C4orf50: variants seen among roughly 807,000 people sequenced by gnomAD.
C4orf50 encodes chromosome 4 open reading frame 50, also known as uncharacterized protein C4orf50.
Under a neutral mutation model 77.2 loss-of-function variants are expected in C4orf50, and 80 were observed. The ratio of observed to expected loss-of-function variants is 1.04; its 90% CI spans 0.87 to 1.25. The LOEUF is 1.25. Ranked by LOEUF, C4orf50 falls within the 50% of genes most tolerant of loss-of-function variation. The pLI is 0.00. For missense variants in C4orf50, 1,257 were observed against 1,152.9 expected, an observed-to-expected ratio of 1.09 and a Z score of -1.31; for synonymous variants, 532 against 465.3, an observed-to-expected ratio of 1.14 and a Z score of -1.84.
rs1722318932 is a variant in C4orf50, at chr4:6,008,098, C to A, written c.861G>T (p.Leu287=). The A allele has an allele frequency of 2.5e-6, 1 of 399,054 alleles. No homozygotes were observed. Among genetic ancestry groups the A allele is most frequent in the Non-Finnish European group, 4.4e-6 (1 of 226,152 alleles). 24.7% of individuals were successfully genotyped at this position (399,054 alleles called of 1,614,324 possible). A position where few individuals can be genotyped will look rare whatever the true frequency, so the allele number is the denominator to read the frequency against. ...CCTGGCCCTGCAGGCCAATCTCTGA[C>A]AGCTTCAGCCCATAGATGCAGCAGC... is the stretch of plus-strand genomic sequence containing the variant. Residue 287 remains leucine (L), a synonymous_variant, in exon 25 of 34, where the codon CTG becomes CTT. Transcript: ENST00000531445. The surrounding 1 kb of genome is among the most constrained non-coding windows in gnomAD (Gnocchi z 6.0).
intron 7 of C4orf50, among the ~76,000 whole-genome samples, chr4:5,943,435 G>A (rs552965225): frequency 1.3e-5 from 2 of 152,308 alleles, no homozygotes; most frequent in African/African-American, 2.4e-5. Context: ...GGTGAACTCT[G>A]GGACAGCCTG....
chr4:5,938,805 T>C (rs1269880157), intron 7 of C4orf50, among the ~76,000 whole-genome samples: 1 of 152,158 alleles, frequency 6.6e-6, no homozygotes, highest in Admixed American at 6.5e-5. Context: ...CTTTTTTTTT[T>C]TTATCATTTA....
rs900875117 is a variant in C4orf50 at position 5,958,594 on chromosome 4, A to G, written c.*781T>C. ...GCGTGCGTGCTGATTTACTCACAGG[A>G]GTATCTCTCCCATTGTCCTGTGAGG... On this transcript the variant is annotated 3_prime_UTR_variant, in exon 34 of 34. Transcript: ENST00000531445. This position sits in a 1 kb window ranked among gnomAD's most constrained non-coding sequence, Gnocchi z 5.4. The G allele has an allele frequency of 6.6e-6, 1 of 152,016 alleles. No homozygotes were observed. Among genetic ancestry groups the G allele is most frequent in the African/African-American group, 2.4e-5 (1 of 41,382 alleles). The allele number at this position is 152,016 out of a possible 1,614,324, so 9.4% of individuals were successfully genotyped here.
At chr4:5,947,631 A>C (rs535971733) in intron 7 of C4orf50, among the ~76,000 whole-genome samples, 14 of 152,152 alleles carry the variant, frequency 9.2e-5, no homozygotes, top group South Asian at 4.2e-4. Context: ...CCCGCACTGC[A>C]GCCCCGAGGG....
At chr4:5,991,533 A>C (rs1460942934) in intron 27 of C4orf50, among the ~76,000 whole-genome samples, 3 of 152,168 alleles carry the variant, frequency 2.0e-5, no homozygotes, top group African/African-American at 7.2e-5. Context: ...TGATGTGTTT[A>C]TCCAGAGAGG....
chr4:5,980,130 G>C (rs893448800), intron 29 of C4orf50, 44 bp downstream of exon 7: 4 of 1,519,884 alleles, frequency 2.6e-6, no homozygotes, highest in Middle Eastern at 2.4e-4. Flanking sequence ...CCCGGGGTGT[G>C]GGAGCCCTGG....
intron 7 of C4orf50, among the ~76,000 whole-genome samples, chr4:5,911,399 G>A (rs1577876781): frequency 3.9e-5 from 6 of 152,350 alleles, no homozygotes; most frequent in African/African-American, 1.2e-4. Context: ...GTTCATGAGT[G>A]AAGTTACAAT....
chr4:5,974,889 A>G (rs1239932709), intron 30 of C4orf50, among the ~76,000 whole-genome samples: 1 of 152,166 alleles, frequency 6.6e-6, no homozygotes, highest in East Asian at 1.9e-4. Flanking sequence ...CTGTAATCCC[A>G]GCACTTTGGG....
intron 7 of C4orf50, among the ~76,000 whole-genome samples, chr4:5,930,017 T>C (rs1162369328): frequency 1.3e-5 from 2 of 152,218 alleles, no homozygotes; most frequent in Non-Finnish European, 2.9e-5. Flanking sequence ...ATTGTGCGCC[T>C]GTGTCTAACA....
chr4:5,972,185 A>G (rs1719966627), intron 31 of C4orf50, among the ~76,000 whole-genome samples: 1 of 151,920 alleles, frequency 6.6e-6, no homozygotes, highest in Non-Finnish European at 1.5e-5. Flanking sequence ...TTGTATTTTT[A>G]GTAGAGACGG....
chr4:5,941,191 T>C (rs1037599258), intron 7 of C4orf50, among the ~76,000 whole-genome samples: 8 of 152,254 alleles, frequency 5.3e-5, no homozygotes, highest in African/African-American at 1.9e-4. Context: ...AATTGGGTGC[T>C]TCCTTTGTGC....
At chr4:5,978,548 C>T (rs1166118560) in intron 29 of C4orf50, among the ~76,000 whole-genome samples, 1 of 152,150 alleles carries the variant, frequency 6.6e-6, no homozygotes, top group Non-Finnish European at 1.5e-5. Flanking sequence ...ACACACACCC[C>T]CTCCCCACAG....
chr4:5,988,501 G>A (rs760968901), exon 28 of C4orf50: 28 of 1,541,496 alleles, frequency 1.8e-5, no homozygotes, highest in Admixed American at 1.2e-4. Context: ...CCAGACCAGC[G>A]ATGGAGGGGG....
At chr4:5,990,782 G>A in exon 28 of C4orf50, 1 of 399,182 alleles carries the variant, frequency 2.5e-6, no homozygotes, top group Non-Finnish European at 4.4e-6. Context: ...CCACAGACCA[G>A]GAGAAGAATC....
intron 30 of C4orf50, among the ~76,000 whole-genome samples, chr4:5,975,117 G>A (rs1247116652): frequency 9.6e-6 from 1 of 104,634 alleles, no homozygotes; most frequent in African/African-American, 3.6e-5. Context: ...TCCAGCCTGG[G>A]CGACAGAGTG....
rs1421610563 is a variant in C4orf50 at position 6,009,091 on chromosome 4, A to T, written c.427-559T>A. Reference sequence around the variant, plus strand: ...GAGGTACGTTACTAGCCTGAGAGACACTCAGGAGTGACTTGCATATCACGC... The same window carrying T: ...GAGGTACGTTACTAGCCTGAGAGACTCTCAGGAGTGACTTGCATATCACGC... On this transcript the variant is annotated intron_variant, in intron 24 of 33. Coordinates refer to ENST00000531445, the Ensembl canonical transcript of C4orf50. This position sits in a 1 kb window ranked among gnomAD's most constrained non-coding sequence, Gnocchi z 5.6. Among the ~76,000 whole-genome samples, 2 of 152,176 alleles carry T rather than the reference A, an allele frequency of 1.3e-5. No homozygotes were observed. Among genetic ancestry groups the T allele is most frequent in the Non-Finnish European group, 2.9e-5 (2 of 68,024 alleles).
chr4:5,925,396 G>A (rs1007200967), intron 7 of C4orf50, among the ~76,000 whole-genome samples: 2 of 152,188 alleles, frequency 1.3e-5, no homozygotes, highest in Non-Finnish European at 2.9e-5. Context: ...AGCTTGTGTG[G>A]GAACTGGTGA....
chr4:5,900,236 A>G lies in C4orf50; in HGVS notation c.*2475-2048T>C, dbSNP rs1716286886. The G allele has an allele frequency of 1.3e-5, 2 of 152,304 alleles. No homozygotes were observed. The highest frequency in any genetic ancestry group is 1.9e-4 in the East Asian group (1 of 5,178). The allele number at this position is 152,304 out of a possible 1,614,324, so 9.4% of individuals were successfully genotyped here. ...GTTTACTCAATAAATTGCTGAGTAA[A>G]ACAAATAGAAAGGACCCCAGCTGTA... is the stretch of plus-strand genomic sequence containing the variant. On this transcript the variant is annotated intron_variant, in intron 7 of 7. Coordinates refer to the C4orf50 transcript ENST00000324058. The surrounding 1 kb of genome is among the most constrained non-coding windows in gnomAD (Gnocchi z 4.3).
At chr4:5,973,175 C>G (rs770021752) in intron 31 of C4orf50, among the ~76,000 whole-genome samples, 2 of 152,210 alleles carry the variant, frequency 1.3e-5, no homozygotes, top group African/African-American at 2.4e-5. Flanking sequence ...TGCCCCGTCA[C>G]GCGGGGCCAC....
Sources: allele counts gnomAD v4.1 joint callset (sites outside exome capture counted in the v4.1 genomes callset), GRCh38; gene constraint gnomAD v4.1.1; non-coding constraint Gnocchi (gnomAD v3.1); transcripts MANE v1.5; gene names NCBI Gene and HGNC (gene_info 2026-07-23, HGNC 2026-07-21).